The following MARCHF4 variants were observed in gnomAD, a reference collection of about 807,000 sequenced individuals.
MARCHF4 encodes the protein E3 ubiquitin-protein ligase MARCHF4.
MARCHF4 carries 14 observed loss-of-function variants against 43.9 expected under a neutral mutation model. That is an observed-to-expected ratio of 0.32 (90% CI 0.21 to 0.50). The LOEUF (loss-of-function observed/expected upper bound fraction) is 0.50, where lower values mean the gene tolerates loss of function less well. Ranked by LOEUF, MARCHF4 falls within the 20% of genes least tolerant of loss-of-function variation. The probability of loss-of-function intolerance (pLI) is 0.98; values close to 1 mark genes in which losing one functional copy is unlikely to be tolerated. For missense variants in MARCHF4, 468 were observed against 536.7 expected (o/e 0.87, Z 1.27); for synonymous variants, 226 against 213.3 (o/e 1.06, Z -0.52).
chr2:216,267,304 G>A (rs527343056), intron 3 of MARCHF4, among the ~76,000 whole-genome samples: 2 of 152,266 alleles, frequency 1.3e-5, no homozygotes, highest in South Asian at 4.2e-4. Context: ...CATTCCATTT[G>A]ATTTTATAGA....
At chr2:216,279,765 A>G (rs543756999) in intron 2 of MARCHF4, among the ~76,000 whole-genome samples, 1 of 152,222 alleles carries the variant, frequency 6.6e-6, no homozygotes, top group Non-Finnish European at 1.5e-5. Flanking sequence ...GGGCCTTTAC[A>G]TTTTCCACTG....
At chr2:216,341,912 C>T (rs1574482902) in intron 1 of MARCHF4, among the ~76,000 whole-genome samples, 1 of 152,156 alleles carries the variant, frequency 6.6e-6, no homozygotes. Context: ...TGCAATATTA[C>T]GGCAATATTA....
chr2:216,298,261 T>G (rs981366848), intron 1 of MARCHF4, among the ~76,000 whole-genome samples: 4 of 96,932 alleles, frequency 4.1e-5, no homozygotes, highest in African/African-American at 2.3e-4. Flanking sequence ...TTTAGGTTTT[T>G]TTTTTTTTTT....
intron 3 of MARCHF4, among the ~76,000 whole-genome samples, chr2:216,271,610 C>A (rs1238051710): frequency 6.6e-6 from 1 of 152,150 alleles, no homozygotes; most frequent in Non-Finnish European, 1.5e-5. Flanking sequence ...ATGGATATGA[C>A]CCGCTCTGAC....
Position 216,259,065 on chromosome 2 carries a change from T to G in MARCHF4, c.*247A>C. 2.7e-6 allele frequency: 1 copy of G among 375,954 alleles called. No homozygotes were observed. The highest frequency in any genetic ancestry group is 4.7e-6 in the Non-Finnish European group (1 of 211,282). 23.3% of individuals were successfully genotyped at this position (375,954 alleles called of 1,614,324 possible). A position where few individuals can be genotyped will look rare whatever the true frequency, so the allele number is the denominator to read the frequency against. On this transcript the variant is annotated 3_prime_UTR_variant, in exon 4 of 4. Coordinates refer to ENST00000273067, the MANE Select transcript of MARCHF4 (RefSeq NM_020814.3). ...TTTCTGTTGGGCCAGGTTCAGCCTG[T>G]ATTGCACTTTGTTGTTGAGTTGGTG...
At chr2:216,294,507 A>G (rs79223168) in intron 1 of MARCHF4, among the ~76,000 whole-genome samples, 6,330 of 152,340 alleles carry the variant, frequency 0.042, 173 homozygotes, top group Middle Eastern at 0.13. Flanking sequence ...TGACTCTTAC[A>G]AAGCAAGAAA....
In MARCHF4 at chr2:216,321,152, C is replaced by G. The variant is rs570294889; in HGVS notation, c.517-37423G>C. Among the ~76,000 whole-genome samples, 165 of 152,146 alleles carry G rather than the reference C, an allele frequency of 1.1e-3. 1 individual carries two copies. The highest frequency in any genetic ancestry group is 2.5e-3 in the Admixed American group (38 of 15,278). ...GGCTTCCTACTGTCTGTAGGAAACTCTTAACTCTTCAGTCAAGACTCCAGG... is the reference window on the plus strand; with the variant it reads ...GGCTTCCTACTGTCTGTAGGAAACTGTTAACTCTTCAGTCAAGACTCCAGG... On this transcript the variant is annotated intron_variant, in intron 1 of 3. Coordinates refer to ENST00000273067, the MANE Select transcript of MARCHF4 (RefSeq NM_020814.3).
intron 1 of MARCHF4, among the ~76,000 whole-genome samples, chr2:216,360,902 A>G (rs1329257071): frequency 1.3e-5 from 2 of 148,626 alleles, no homozygotes; most frequent in African/African-American, 2.6e-5. Flanking sequence ...CTCGTCTCAA[A>G]TTCCAGGGCT....
chr2:216,361,315 T>C (rs1692574990), intron 1 of MARCHF4, among the ~76,000 whole-genome samples: 2 of 152,168 alleles, frequency 1.3e-5, no homozygotes, highest in African/African-American at 4.8e-5. Flanking sequence ...CATTCTTACC[T>C]GGGGATCAAC....
chr2:216,308,883 C>CT (rs1438307886), intron 1 of MARCHF4, among the ~76,000 whole-genome samples: 2 of 152,186 alleles, frequency 1.3e-5, no homozygotes, highest in Non-Finnish European at 2.9e-5. Flanking sequence ...CCCTGTTCCC[C>CT]TTTTTTTCCT....
At chr2:216,297,511 GGTTTT>G (rs1236786019) in intron 1 of MARCHF4, among the ~76,000 whole-genome samples, 3 of 151,960 alleles carry the variant, frequency 2.0e-5, no homozygotes, top group Non-Finnish European at 2.9e-5. Context: ...TCTTCTTCTT[GGTTTT>G]GTTTTGTTTT....
intron 1 of MARCHF4, among the ~76,000 whole-genome samples, chr2:216,290,448 A>G (rs1416782382): frequency 1.3e-5 from 2 of 152,190 alleles, no homozygotes; most frequent in African/African-American, 4.8e-5. Context: ...AGTTAGAGAT[A>G]TAACAGGGAT....
At chr2:216,295,784 T>C (rs1254641563) in intron 1 of MARCHF4, among the ~76,000 whole-genome samples, 3 of 152,228 alleles carry the variant, frequency 2.0e-5, no homozygotes, top group African/African-American at 7.2e-5. Flanking sequence ...GGGTAATAAC[T>C]ATGCTGAAAG....
Position 216,372,455 on chromosome 2 carries a change from G to A in MARCHF4, c.-2195C>T, listed in dbSNP as rs1400065426. Among the ~76,000 whole-genome samples the A allele has an allele frequency of 1.3e-5, 2 of 152,156 alleles. No individual in the cohort carries two copies. The highest frequency in any genetic ancestry group is 2.9e-5 in the Non-Finnish European group (2 of 68,020). ...GGATGAGAGGAAAAGAAGCTGGAGGGAGAGGGAGCAAGAGGAGGAGAGAAC... is the reference window on the plus strand; with the variant it reads ...GGATGAGAGGAAAAGAAGCTGGAGGAAGAGGGAGCAAGAGGAGGAGAGAAC... On this transcript the variant is annotated 5_prime_UTR_variant, in exon 1 of 4. Transcript: ENST00000273067.
intron 1 of MARCHF4, among the ~76,000 whole-genome samples, chr2:216,320,675 C>CTTTCTTTCTTTCTTTCT (rs747734983): frequency 3.0e-5 from 1 of 33,100 alleles, no homozygotes; most frequent in Non-Finnish European, 5.7e-5. Context: ...TTCTTTCTTT[C>CTTTCTTTCTTTCTTTCT]TTTTTTTTTT....
intron 3 of MARCHF4, among the ~76,000 whole-genome samples, chr2:216,275,650 C>T (rs1691007049): frequency 1.3e-5 from 2 of 152,076 alleles, no homozygotes; most frequent in Admixed American, 6.5e-5. Context: ...ATATTCAATT[C>T]GGTCTTCAAA....
chr2:216,354,060 C>A lies in MARCHF4; in HGVS notation c.516+15685G>T, dbSNP rs151153179. Among the ~76,000 whole-genome samples the A allele has an allele frequency of 6.8e-3, 1,031 of 152,308 alleles. 4 individuals are homozygous for A. Among genetic ancestry groups the A allele is most frequent in the Middle Eastern group, 0.014 (4 of 294 alleles). The stretch of plus-strand genomic sequence containing the variant: ...GTTACTGTTCCCAGGCAGGTGCCTC[C>A]AAACACATCCAGACTTCTAGGCTGC... On this transcript the variant is annotated intron_variant, in intron 1 of 3. Coordinates refer to ENST00000273067, the MANE Select transcript of MARCHF4 (RefSeq NM_020814.3).
At chr2:216,267,546 T>C (rs887357072) in intron 3 of MARCHF4, among the ~76,000 whole-genome samples, 1 of 152,186 alleles carries the variant, frequency 6.6e-6, no homozygotes, top group East Asian at 1.9e-4. Flanking sequence ...GAACTTCTAT[T>C]GGGTTAAACC....
At chr2:216,272,428 G>A (rs1314872809) in intron 3 of MARCHF4, among the ~76,000 whole-genome samples, 1 of 152,202 alleles carries the variant, frequency 6.6e-6, no homozygotes, top group African/African-American at 2.4e-5. Context: ...CAGTTATCAT[G>A]AGGGTCAAAA....
Sources: gnomAD v4.1 joint callset for allele counts (sites outside exome capture counted in the v4.1 genomes callset) on GRCh38, gnomAD v4.1.1 for gene constraint, MANE v1.5 for transcripts, NCBI Gene and HGNC (gene_info 2026-07-23, HGNC 2026-07-21) for gene names.